WWC2: variants seen among roughly 807,000 people sequenced by gnomAD.
The protein encoded by WWC2 is protein WWC2.
In WWC2, 101 loss-of-function variants were observed where a neutral mutation model predicts 138.5. That is an observed-to-expected ratio of 0.73 (90% CI 0.62 to 0.86). The LOEUF (loss-of-function observed/expected upper bound fraction) is 0.86, where lower values mean the gene tolerates loss of function less well. Ranked by LOEUF, WWC2 falls within the 40% of genes least tolerant of loss-of-function variation. The pLI, the probability that WWC2 is intolerant of heterozygous loss-of-function variation, is 0.00. For synonymous variants in WWC2, 558 were observed against 538.4 expected (o/e 1.04, Z -0.50); for missense variants, 1,420 against 1,419.4 (o/e 1.00, Z -0.01).
In WWC2 at chr4:183,320,322, T is replaced by C; in HGVS notation, c.*4593T>C. 1.8e-6 allele frequency: 2 copies of C among 1,082,528 alleles called. No homozygotes were observed. The highest frequency in any genetic ancestry group is 2.7e-6 in the Non-Finnish European group (2 of 744,792). The allele number at this position is 1,082,528 out of a possible 1,614,324, so 67.1% of individuals were successfully genotyped here. A position where few individuals can be genotyped will look rare whatever the true frequency, so the allele number is the denominator to read the frequency against. On this transcript the variant is annotated 3_prime_UTR_variant, in exon 23 of 23. Coordinates refer to ENST00000403733, the MANE Select transcript of WWC2 (RefSeq NM_024949.6). ...AACTTATGAAACTCAGAAATATTTCTTCATTGTGTATATAGGAGGATTCTT... is the reference window on the plus strand; with the variant it reads ...AACTTATGAAACTCAGAAATATTTCCTCATTGTGTATATAGGAGGATTCTT...
rs976393823 is a variant in WWC2, at chr4:183,196,096, C to T, written c.241+2388C>T. The stretch of plus-strand genomic sequence containing the variant: ...TCCTCTCTCACCACATAATGTGGTG[C>T]TCCCGCTTTGCCTTCCGCCAAGAGT... On this transcript the variant is annotated intron_variant, in intron 2 of 22. Coordinates refer to ENST00000403733, the MANE Select transcript of WWC2 (RefSeq NM_024949.6). Among the ~76,000 whole-genome samples, 13 of 152,162 alleles carry T rather than the reference C, an allele frequency of 8.5e-5. No homozygotes were observed. The East Asian group carries it at 2.5e-3, about 29-fold the overall frequency.
rs1580043163 is a variant in WWC2 at position 183,193,424 on chromosome 4, G to A, written c.132-175G>A. Among the ~76,000 whole-genome samples the A allele has an allele frequency of 3.3e-5, 5 of 152,074 alleles. No individual in the cohort carries two copies. The South Asian group carries it at 8.3e-4, about 25-fold the overall frequency. ...AATATTAAGCAGTGAACTTTCAAAA[G>A]GGTATTACGACTTGTCCTACTTTTT... On this transcript the variant is annotated intron_variant, in intron 1 of 22. Coordinates refer to ENST00000403733, the MANE Select transcript of WWC2 (RefSeq NM_024949.6).
intron 16 of WWC2, among the ~76,000 whole-genome samples, chr4:183,279,061 T>G (rs926489592): frequency 7.9e-5 from 12 of 152,084 alleles, no homozygotes; most frequent in African/African-American, 1.2e-4. Flanking sequence ...TGTGCCAGTT[T>G]TCAAAGGGAA....
At chr4:183,171,019 T>G (rs1010350843) in intron 1 of WWC2, among the ~76,000 whole-genome samples, 1 of 152,228 alleles carries the variant, frequency 6.6e-6, no homozygotes, top group African/African-American at 2.4e-5. Flanking sequence ...ATGTAACTGA[T>G]GAGAGCTTAC....
intron 2 of WWC2, among the ~76,000 whole-genome samples, chr4:183,205,214 C>T (rs1735414975): frequency 6.6e-6 from 1 of 152,212 alleles, no homozygotes; most frequent in Admixed American, 6.5e-5. Context: ...ACCACATCCT[C>T]TTCAACACTT....
chr4:183,241,012 T>C lies in WWC2; in HGVS notation c.602+750T>C, dbSNP rs141627867. ...GACAGGCACACCTGAGACTTTCTAA[T>C]CCTGCAGTCTCCACTCCACAGGGCC... is the stretch of plus-strand genomic sequence containing the variant. On this transcript the variant is annotated intron_variant, in intron 5 of 22. Coordinates refer to ENST00000403733, the MANE Select transcript of WWC2 (RefSeq NM_024949.6). 8.5e-3 allele frequency among the ~76,000 whole-genome samples: 1,289 copies of C among 152,282 alleles called. 32 individuals carry two copies. The highest frequency in any genetic ancestry group is 0.029 in the African/African-American group (1,217 of 41,574).
At chr4:183,245,592 C>G in intron 6 of WWC2, 47 bp downstream of exon 6, 2 of 1,498,340 alleles carry the variant, frequency 1.3e-6, no homozygotes, top group Admixed American at 4.5e-5. Flanking sequence ...CCTTCTGAGG[C>G]CCCCAGAAAC....
intron 4 of WWC2, among the ~76,000 whole-genome samples, chr4:183,212,239 G>T (rs1735619083): frequency 6.6e-6 from 1 of 152,054 alleles, no homozygotes; most frequent in African/African-American, 2.4e-5. Flanking sequence ...GTATGAAAAA[G>T]GTTTGTCTAC....
chr4:183,208,249 G>A (rs1391186283), intron 3 of WWC2, 93 bp downstream of exon 3: 34 of 1,348,872 alleles, frequency 2.5e-5, no homozygotes, highest in Non-Finnish European at 3.3e-5. Flanking sequence ...TTAATTTTGA[G>A]TCCTTTTCCC....
At chr4:183,258,961 G>A (rs546848193) in intron 9 of WWC2, among the ~76,000 whole-genome samples, 1 of 134,046 alleles carries the variant, frequency 7.5e-6, no homozygotes. Flanking sequence ...CTATAATGCT[G>A]TACTCTTAAA....
chr4:183,113,542 G>A lies in WWC2; in HGVS notation c.131+13920G>A, dbSNP rs553646061. 1.9e-3 allele frequency among the ~76,000 whole-genome samples: 277 copies of A among 148,706 alleles called. 1 individual carries two copies. The highest frequency in any genetic ancestry group is 3.4e-3 in the Middle Eastern group (1 of 292). ...CGCGCGCGTGCGCGCGCACATGCAC[G>A]TGCATGCAAGATGATCTTACTCATT... On this transcript the variant is annotated intron_variant, in intron 1 of 22. Coordinates refer to ENST00000403733, the MANE Select transcript of WWC2 (RefSeq NM_024949.6).
chr4:183,256,147 T>G (rs552538818), intron 9 of WWC2, among the ~76,000 whole-genome samples: 1 of 152,332 alleles, frequency 6.6e-6, no homozygotes, highest in East Asian at 1.9e-4. Context: ...CCAGGTCATT[T>G]AGTATTCCAA....
intron 4 of WWC2, among the ~76,000 whole-genome samples, chr4:183,223,771 C>G (rs114164044): frequency 6.6e-6 from 1 of 152,054 alleles, no homozygotes; most frequent in South Asian, 2.1e-4. Context: ...AGAAGTCTTA[C>G]CCAGGCTGAA....
At chr4:183,291,678 T>G (rs1054289128) in intron 21 of WWC2, among the ~76,000 whole-genome samples, 1 of 152,162 alleles carries the variant, frequency 6.6e-6, no homozygotes, top group South Asian at 2.1e-4. Flanking sequence ...TTTCTAGATA[T>G]CAATAATTAC....
At chr4:183,227,406 A>G (rs923163748) in intron 4 of WWC2, among the ~76,000 whole-genome samples, 2 of 152,108 alleles carry the variant, frequency 1.3e-5, no homozygotes, top group African/African-American at 4.8e-5. Flanking sequence ...ATGAACGCAT[A>G]GCCCAAATCA....
chr4:183,281,918 A>G (rs1428257833), intron 17 of WWC2, among the ~76,000 whole-genome samples: 1 of 152,208 alleles, frequency 6.6e-6, no homozygotes, highest in East Asian at 1.9e-4. Flanking sequence ...AAACAAAGGA[A>G]TTTATAACTC....
chr4:183,161,842 A>G (rs1733968224), intron 1 of WWC2, among the ~76,000 whole-genome samples: 1 of 152,164 alleles, frequency 6.6e-6, no homozygotes, highest in African/African-American at 2.4e-5. Flanking sequence ...ACCTAACCAC[A>G]CATTTCTCAG....
chr4:183,205,906 C>T (rs928558121), intron 2 of WWC2, among the ~76,000 whole-genome samples: 1 of 152,144 alleles, frequency 6.6e-6, no homozygotes, highest in African/African-American at 2.4e-5. Flanking sequence ...GTGCATTTCC[C>T]GTTGTCATCT....
At chr4:183,250,239 C>G (rs1310032096) in intron 8 of WWC2, among the ~76,000 whole-genome samples, 2 of 151,552 alleles carry the variant, frequency 1.3e-5, no homozygotes, top group Non-Finnish European at 2.9e-5. Flanking sequence ...GAACTTGCCC[C>G]CTTCTCCTCT....
Sources: allele counts gnomAD v4.1 joint callset (sites outside exome capture counted in the v4.1 genomes callset), GRCh38; gene constraint gnomAD v4.1.1; transcripts MANE v1.5; gene names NCBI Gene and HGNC (gene_info 2026-07-23, HGNC 2026-07-21).